Variants in ESYT2 observed in about 807,000 individuals in gnomAD.
The protein encoded by ESYT2 is extended synaptotagmin 2, also known as extended synaptotagmin-2.
ESYT2 carries 54 observed loss-of-function variants against 107.2 expected under a neutral mutation model. That is an observed-to-expected ratio of 0.50 (90% CI 0.40 to 0.63). The LOEUF is 0.63. Among genes scored for constraint, ESYT2 ranks in the 30% least tolerant of loss-of-function variants. ESYT2 has a pLI of 0.00. For synonymous variants in ESYT2, 491 were observed against 434.1 expected, an observed-to-expected ratio of 1.13 and a Z score of -1.63; for missense variants, 1,020 against 1,094.5, an observed-to-expected ratio of 0.93 and a Z score of 0.96.
intron 6 of ESYT2, among the ~76,000 whole-genome samples, chr7:158,776,172 C>T (rs951446011): frequency 6.6e-6 from 1 of 152,120 alleles, no homozygotes; most frequent in African/African-American, 2.4e-5. Context: ...TTTGTTTTTC[C>T]AGGTATAGAA....
At chr7:158,800,729 C>CTTT (rs749928921) in intron 1 of ESYT2, among the ~76,000 whole-genome samples, 7 of 118,520 alleles carry the variant, frequency 5.9e-5, no homozygotes, top group African/African-American at 2.0e-4. Context: ...TTTTTCTTTT[C>CTTT]TTTTCTTTTT....
chr7:158,801,832 C>CACT (rs142127807), intron 1 of ESYT2, among the ~76,000 whole-genome samples: 1 of 152,012 alleles, frequency 6.6e-6, no homozygotes, highest in Admixed American at 6.6e-5. Context: ...GATTCTAATA[C>CACT]GCTGCTATTA....
rs1040083411 is a variant in ESYT2 at position 158,733,396 on chromosome 7, G to A, written c.*811C>T. ...AGTCTGCTCTTACAGTTGAGGAAAAGTACAAGGTGTCTGTATACTGTTTCA... is the reference window on the plus strand; with the variant it reads ...AGTCTGCTCTTACAGTTGAGGAAAAATACAAGGTGTCTGTATACTGTTTCA... On this transcript the variant is annotated 3_prime_UTR_variant, in exon 23 of 23. Transcript: ENST00000275418. 1 of 152,188 alleles carries A rather than the reference G, an allele frequency of 6.6e-6. No homozygotes were observed. Among genetic ancestry groups the A allele is most frequent in the Admixed American group, 6.5e-5 (1 of 15,276 alleles). 9.4% of individuals were successfully genotyped at this position (152,188 alleles called of 1,614,324 possible). A position where few individuals can be genotyped will look rare whatever the true frequency, so the allele number is the denominator to read the frequency against.
rs141322610 is a variant in ESYT2 at position 158,816,242 on chromosome 7, C to T, written c.330+12847G>A. Among the ~76,000 whole-genome samples, 520 of 152,166 alleles carry T rather than the reference C, an allele frequency of 3.4e-3. 4 individuals carry two copies. The highest frequency in any genetic ancestry group is 6.8e-3 in the Admixed American group (104 of 15,280). Reference sequence around the variant, plus strand: ...GTACAGGCCTGTAGTCCCAGATACTCGAGAGGCTGAAGTGGAAGGGTTGCT... The same window carrying T: ...GTACAGGCCTGTAGTCCCAGATACTTGAGAGGCTGAAGTGGAAGGGTTGCT... On this transcript the variant is annotated intron_variant, in intron 1 of 22. Coordinates refer to ENST00000275418, the MANE Select transcript of ESYT2 (RefSeq NM_001367773.1).
chr7:158,824,223 C>T (rs1840371841), intron 1 of ESYT2, among the ~76,000 whole-genome samples: 1 of 152,166 alleles, frequency 6.6e-6, no homozygotes, highest in African/African-American at 2.4e-5. Context: ...GAAACCCAAG[C>T]AGCATCCTCA....
chr7:158,803,566 T>C (rs1308395166), intron 1 of ESYT2, among the ~76,000 whole-genome samples: 3 of 152,204 alleles, frequency 2.0e-5, no homozygotes, highest in Middle Eastern at 3.2e-3. Context: ...ATTTAAAATG[T>C]TTTATATTGT....
At chr7:158,769,980 T>A (rs1041086727) in intron 7 of ESYT2, among the ~76,000 whole-genome samples, 4 of 151,752 alleles carry the variant, frequency 2.6e-5, no homozygotes, top group Non-Finnish European at 4.4e-5. Context: ...GCTGGAGTGC[T>A]ATGGCATGAT....
chr7:158,787,802 A>G (rs986782272), intron 6 of ESYT2, among the ~76,000 whole-genome samples: 3 of 152,220 alleles, frequency 2.0e-5, no homozygotes, highest in Admixed American at 6.5e-5. Context: ...CATTTTTATA[A>G]TCAGGAAAGA....
chr7:158,815,960 G>C (rs1348208982), intron 1 of ESYT2, among the ~76,000 whole-genome samples: 1 of 152,188 alleles, frequency 6.6e-6, no homozygotes, highest in Non-Finnish European at 1.5e-5. Context: ...AAACAGGGTA[G>C]TGTGGGAAGC....
At chr7:158,802,583 T>C (rs907999813) in intron 1 of ESYT2, among the ~76,000 whole-genome samples, 1 of 152,172 alleles carries the variant, frequency 6.6e-6, no homozygotes, top group African/African-American at 2.4e-5. Context: ...ACCAGGCTGA[T>C]ATAAGCACTT....
intron 6 of ESYT2, among the ~76,000 whole-genome samples, chr7:158,782,453 CAA>C (rs370101646): frequency 7.5e-4 from 95 of 127,258 alleles, no homozygotes; most frequent in African/African-American, 9.6e-4. Context: ...AGAACGAGAA[CAA>C]GTGAGTGAAC....
intron 14 of ESYT2, among the ~76,000 whole-genome samples, chr7:158,752,468 C>A (rs540912559): frequency 6.6e-6 from 1 of 152,276 alleles, no homozygotes; most frequent in East Asian, 1.9e-4. Flanking sequence ...TTAAGTAGAA[C>A]GTCTATATCA....
chr7:158,768,706 C>T (rs574495401), intron 7 of ESYT2, among the ~76,000 whole-genome samples: 98 of 152,336 alleles, frequency 6.4e-4, no homozygotes, highest in African/African-American at 2.2e-3. Context: ...GCGTAAGCCA[C>T]CACGCCTGGT....
At chr7:158,756,842 G>A (rs1837772194) in intron 13 of ESYT2, among the ~76,000 whole-genome samples, 2 of 151,042 alleles carry the variant, frequency 1.3e-5, no homozygotes, top group African/African-American at 4.9e-5. Context: ...ATGGGAGGTG[G>A]AGGTTGCAGT....
intron 4 of ESYT2, among the ~76,000 whole-genome samples, chr7:158,788,919 G>GT (rs1839194534): frequency 6.6e-6 from 1 of 152,178 alleles, no homozygotes; most frequent in African/African-American, 2.4e-5. Context: ...TAGAAACAGT[G>GT]TATCTGTTTG....
intron 2 of ESYT2, 78 bp from the exon 3 acceptor site, chr7:158,798,154 C>A (rs1056438764): frequency 6.8e-7 from 1 of 1,470,428 alleles, no homozygotes; most frequent in East Asian, 2.3e-5. Context: ...GAGAAACCCT[C>A]GCAACAGACC....
rs139639328 is a variant in ESYT2 at position 158,821,143 on chromosome 7, G to A, written c.330+7946C>T. 9.6e-4 allele frequency among the ~76,000 whole-genome samples: 146 copies of A among 152,314 alleles called. 4 individuals are homozygous for A. In the East Asian group the frequency reaches 0.027, roughly 28 times the overall value. On this transcript the variant is annotated intron_variant, in intron 1 of 22. Transcript: ENST00000275418. Reference sequence around the variant, plus strand: ...AAATGAAGAAAAGAAATTAGTGACAGGAAGAAAGACTCTGGAAAAACCTCC... The same window carrying A: ...AAATGAAGAAAAGAAATTAGTGACAAGAAGAAAGACTCTGGAAAAACCTCC...
At chr7:158,748,128 CA>C in intron 16 of ESYT2, 65 bp downstream of exon 16, 1 of 1,473,600 alleles carries the variant, frequency 6.8e-7, no homozygotes, top group Non-Finnish European at 9.4e-7. Context: ...CACAACTCAG[CA>C]AATTGTATAC....
intron 1 of ESYT2, among the ~76,000 whole-genome samples, chr7:158,801,479 G>A (rs1004336414): frequency 2.6e-5 from 4 of 152,078 alleles, no homozygotes; most frequent in Admixed American, 6.5e-5. Context: ...TCTGCTTCTC[G>A]CTAATACATA....
Sources: allele counts gnomAD v4.1 joint callset (sites outside exome capture counted in the v4.1 genomes callset), GRCh38; gene constraint gnomAD v4.1.1; transcripts MANE v1.5; gene names NCBI Gene and HGNC (gene_info 2026-07-23, HGNC 2026-07-21).